Variants in WDR91 observed in about 807,000 individuals in gnomAD.
WDR91 encodes WD repeat-containing protein 91.
WDR91 carries 52 observed loss-of-function variants against 88.4 expected under a neutral mutation model. The observed-to-expected ratio is 0.59, with a 90% CI of 0.47 to 0.74. The LOEUF is 0.74. Among genes scored for constraint, WDR91 ranks in the 30% least tolerant of loss-of-function variants. WDR91 has a pLI of 0.00. For synonymous variants in WDR91, 362 were observed against 389.5 expected, an observed-to-expected ratio of 0.93 and a Z score of 0.83; for missense variants, 824 against 954.5, an observed-to-expected ratio of 0.86 and a Z score of 1.80.
intron 1 of WDR91, among the ~76,000 whole-genome samples, chr7:135,211,177 T>C (rs1277866431): frequency 6.6e-6 from 1 of 152,182 alleles, no homozygotes; most frequent in South Asian, 2.1e-4. Flanking sequence ...TGCTCCTGAC[T>C]CGGGGGGCGG....
chr7:135,194,284 C>T (rs936129585), intron 9 of WDR91, among the ~76,000 whole-genome samples: 1 of 152,154 alleles, frequency 6.6e-6, no homozygotes, highest in Non-Finnish European at 1.5e-5. Context: ...AGAGTGTGAC[C>T]TCGGCATTCA....
rs1198652626 is a variant in WDR91 at position 135,185,562 on chromosome 7, G to A, written c.*589C>T. On this transcript the variant is annotated 3_prime_UTR_variant, in exon 15 of 15. Transcript: ENST00000354475. ...ACAAAAGCTGCCAGCTTTCAGGGAA[G>A]AAAAAGAATTCTGTGGCCTTGACTT... is the stretch of plus-strand genomic sequence containing the variant. The A allele has an allele frequency of 6.6e-6, 1 of 152,160 alleles. No homozygotes were observed. The highest frequency in any genetic ancestry group is 1.9e-4 in the East Asian group (1 of 5,172). The allele number at this position is 152,160 out of a possible 1,614,324, so 9.4% of individuals were successfully genotyped here. A position where few individuals can be genotyped will look rare whatever the true frequency, so the allele number is the denominator to read the frequency against.
At chr7:135,192,518 G>A (rs1267779441) in intron 11 of WDR91, among the ~76,000 whole-genome samples, 2 of 152,194 alleles carry the variant, frequency 1.3e-5, no homozygotes, top group Non-Finnish European at 2.9e-5. Context: ...ATTCGAGTGT[G>A]ACCCTGACGG....
rs201628548 is a variant in WDR91, at chr7:135,207,363, C to T, written c.512-161G>A. 1.0e-3 allele frequency: 655 copies of T among 643,186 alleles called. 2 individuals carry two copies. Among genetic ancestry groups the T allele is most frequent in the South Asian group, 7.1e-3 (513 of 72,546 alleles). The allele number at this position is 643,186 out of a possible 1,614,324, so 39.8% of individuals were successfully genotyped here. A position where few individuals can be genotyped will look rare whatever the true frequency, so the allele number is the denominator to read the frequency against. Reference sequence around the variant, plus strand: ...GGCTTAATGAAATAGTCGCTCCCTACAGTCTTGTCTCTAAGACTTTCTCTA... The same window carrying T: ...GGCTTAATGAAATAGTCGCTCCCTATAGTCTTGTCTCTAAGACTTTCTCTA... On this transcript the variant is annotated intron_variant, in intron 3 of 14. Transcript: ENST00000354475.
Position 135,186,247 on chromosome 7 carries a change from G to A in WDR91, c.2148C>T (p.Thr716=), listed in dbSNP as rs753963096. ...AGTCCATGGCAGTGCTCCAGTCCAC[G>A]GTGACCACAGGGGCTCGGTGGCCAC... ...SLGGHRAPVV[T]VDWSTAMDCG... Residue 716 remains threonine (T), a synonymous_variant, in exon 15 of 15, where the codon ACC becomes ACT. Transcript: ENST00000354475. 1.4e-5 allele frequency: 23 copies of A among 1,611,702 alleles called. No homozygotes were observed. Among genetic ancestry groups the A allele is most frequent in the Admixed American group, 3.4e-5 (2 of 59,520 alleles).
Position 135,207,294 on chromosome 7 carries a change from G to A in WDR91, c.512-92C>T, listed in dbSNP as rs757886373. ...ACCAGTAAAACACATGAGACACAGG[G>A]ACACAGAGAACAGAGTATAGGAGCG... On this transcript the variant is annotated intron_variant, in intron 3 of 14. Coordinates refer to ENST00000354475, the MANE Select transcript of WDR91 (RefSeq NM_014149.4). 3.7e-6 allele frequency: 4 copies of A among 1,078,608 alleles called. No individual in the cohort carries two copies. In the South Asian group the frequency reaches 5.0e-5, roughly 13 times the overall value. 66.8% of individuals were successfully genotyped at this position (1,078,608 alleles called of 1,614,324 possible).
chr7:135,203,882 G>A (rs1831662569), intron 6 of WDR91, among the ~76,000 whole-genome samples: 1 of 152,226 alleles, frequency 6.6e-6, no homozygotes, highest in African/African-American at 2.4e-5. Flanking sequence ...TGGGTCAGGA[G>A]ACCTGGGTGT....
At chr7:135,204,846 T>C (rs994470941) in intron 5 of WDR91, among the ~76,000 whole-genome samples, 1 of 152,200 alleles carries the variant, frequency 6.6e-6, no homozygotes, top group Non-Finnish European at 1.5e-5. Context: ...ATTGAAATGA[T>C]GTTTTGAATA....
In WDR91 at chr7:135,194,882, G is replaced by A. The variant is rs925612029; in HGVS notation, c.1395+52C>T. ...GACTCAGCCGGTGGAGAACCCTGGG[G>A]AATTCCTCCACTGAGCCAGCAAAGC... is the stretch of plus-strand genomic sequence containing the variant. On this transcript the variant is annotated intron_variant, in intron 9 of 14. Transcript: ENST00000354475. The A allele has an allele frequency of 4.4e-6, 7 of 1,603,404 alleles. No homozygotes were observed. The African/African-American group carries it at 8.0e-5, about 18-fold the overall frequency.
chr7:135,208,305 G>A (rs1831880835), intron 3 of WDR91, among the ~76,000 whole-genome samples: 1 of 152,144 alleles, frequency 6.6e-6, no homozygotes, highest in African/African-American at 2.4e-5. Flanking sequence ...AAGCTACTGT[G>A]TTCTCTGGCA....
intron 5 of WDR91, among the ~76,000 whole-genome samples, chr7:135,205,640 A>C (rs1436777689): frequency 6.6e-6 from 1 of 152,236 alleles, no homozygotes; most frequent in East Asian, 1.9e-4. Context: ...TGCACTTGTA[A>C]TCCCAGCTAC....
At chr7:135,193,557 G>A (rs755697769) in intron 10 of WDR91, 21 bp downstream of exon 10, 7 of 1,613,470 alleles carry the variant, frequency 4.3e-6, no homozygotes, top group Non-Finnish European at 5.9e-6. Flanking sequence ...CCTTGATGGT[G>A]GGGGGTAGGT....
chr7:135,188,323 C>T, intron 13 of WDR91, 110 bp downstream of exon 13: 1 of 808,088 alleles, frequency 1.2e-6, no homozygotes, highest in South Asian at 1.5e-5. Flanking sequence ...GATAACAAAG[C>T]TGCAAAAAGA....
chr7:135,209,445 T>A (rs1484818149), intron 2 of WDR91, 131 bp downstream of exon 2: 1 of 855,688 alleles, frequency 1.2e-6, no homozygotes, highest in Admixed American at 3.2e-5. Context: ...TCAAAAATAA[T>A]TGCACTGTAA....
intron 6 of WDR91, 136 bp from the exon 7 acceptor site, chr7:135,198,287 A>G (rs1304314120): frequency 1.1e-5 from 11 of 1,035,462 alleles, no homozygotes; most frequent in Non-Finnish European, 1.5e-5. Flanking sequence ...TGGCTCAGCT[A>G]TGTAGGTGAG....
rs1169485662 is a variant in WDR91 at position 135,207,215 on chromosome 7, AAAG to A, written c.512-16_512-14del. The A allele has an allele frequency of 1.9e-6, 3 of 1,597,362 alleles. No homozygotes were observed. Among genetic ancestry groups the A allele is most frequent in the Middle Eastern group, 3.3e-4 (2 of 5,976 alleles). On this transcript the variant is annotated splice_polypyrimidine_tract_variant and intron_variant, in intron 3 of 14. Coordinates refer to ENST00000354475, the MANE Select transcript of WDR91 (RefSeq NM_014149.4). The stretch of plus-strand genomic sequence containing the variant: ...ATCACAGGGACTGGTGCACGAAGTT[AAAG>A]AATAAGCCAGCCCCTGAAATGTTTA...
In WDR91 at chr7:135,204,496, T is replaced by G. The variant is rs868238284; in HGVS notation, c.726-63A>C. ...ACAGGATGTGGAAAAACCAAGAACA[T>G]AGACCTCCCGGGCTATGGATGACGT... On this transcript the variant is annotated intron_variant, in intron 5 of 14. Coordinates refer to ENST00000354475, the MANE Select transcript of WDR91 (RefSeq NM_014149.4). The G allele has an allele frequency of 8.3e-6, 13 of 1,570,936 alleles. No individual in the cohort carries two copies. The African/African-American group carries it at 1.3e-4, about 16-fold the overall frequency.
chr7:135,202,073 G>A (rs2117690651), intron 6 of WDR91: 1 of 152,342 alleles, frequency 6.6e-6, no homozygotes, highest in South Asian at 2.1e-4. Flanking sequence ...ATTATTCTAT[G>A]TAGCTCCAGA....
chr7:135,208,392 T>C (rs749943019), intron 3 of WDR91, among the ~76,000 whole-genome samples: 2 of 152,034 alleles, frequency 1.3e-5, no homozygotes, highest in African/African-American at 2.4e-5. Context: ...ACCCAAGAAG[T>C]CTTCTCATCT....
Sources: allele counts gnomAD v4.1 joint callset (sites outside exome capture counted in the v4.1 genomes callset), GRCh38; gene constraint gnomAD v4.1.1; transcripts MANE v1.5; gene names NCBI Gene and HGNC (gene_info 2026-07-23, HGNC 2026-07-21).